The following ST3GAL1 variants were observed in gnomAD, a reference collection of about 807,000 sequenced individuals.
The protein encoded by ST3GAL1 is CMP-N-acetylneuraminate-beta-galactosamide-alpha-2,3-sialyltransferase 1.
In ST3GAL1, 16 loss-of-function variants were observed where a neutral mutation model predicts 34.1. The ratio of observed to expected loss-of-function variants is 0.47; its 90% CI spans 0.32 to 0.71. ST3GAL1 has a LOEUF of 0.71. ST3GAL1 is among the 30% of genes least tolerant of loss of function. ST3GAL1 has a pLI of 0.04. For synonymous variants in ST3GAL1, 191 were observed against 184.7 expected, an observed-to-expected ratio of 1.03 and a Z score of -0.28; for missense variants, 353 against 447.4, an observed-to-expected ratio of 0.79 and a Z score of 1.90.
intron 2 of ST3GAL1, among the ~76,000 whole-genome samples, chr8:133,538,871 C>T (rs1246738826): frequency 2.0e-5 from 3 of 152,178 alleles, no homozygotes; most frequent in South Asian, 2.1e-4. Context: ...GCTCTGGAGA[C>T]GCTGTAAGCC....
At chr8:133,524,369 C>G (rs1257333307) in intron 2 of ST3GAL1, among the ~76,000 whole-genome samples, 1 of 152,228 alleles carries the variant, frequency 6.6e-6, no homozygotes, top group Non-Finnish European at 1.5e-5. Context: ...AACAACCAGG[C>G]AACACTACAG....
chr8:133,496,578 C>A (rs1293481144), intron 3 of ST3GAL1, among the ~76,000 whole-genome samples: 3 of 152,178 alleles, frequency 2.0e-5, no homozygotes, highest in African/African-American at 7.2e-5. Flanking sequence ...TTTTCAGAGT[C>A]TCCAGGAGGG....
chr8:133,542,738 A>T (rs960141975), intron 2 of ST3GAL1, among the ~76,000 whole-genome samples: 3 of 144,856 alleles, frequency 2.1e-5, no homozygotes, highest in Admixed American at 1.5e-4. Flanking sequence ...TCAAGATTGC[A>T]CCACTGCATT....
rs1203160944 is a variant in ST3GAL1 at position 133,469,066 on chromosome 8, G to A, written c.307-2976C>T. Among the ~76,000 whole-genome samples the A allele has an allele frequency of 2.0e-5, 3 of 152,240 alleles. No homozygotes were observed. Among genetic ancestry groups the A allele is most frequent in the Non-Finnish European group, 4.4e-5 (3 of 68,044 alleles). On this transcript the variant is annotated intron_variant, in intron 5 of 9. Transcript: ENST00000522652. This position sits in a 1 kb window ranked among gnomAD's most constrained non-coding sequence, Gnocchi z 4.3. ...TACTGAGTGTCTACTGGGTGCCACA[G>A]AGGCCTGAGAAGCCAGGACTCAAGC...
intron 2 of ST3GAL1, chr8:133,515,795 TCA>T (rs1817628389): frequency 3.3e-5 from 5 of 152,332 alleles, no homozygotes; most frequent in Non-Finnish European, 7.3e-5. Flanking sequence ...TTGTGATAAA[TCA>T]TAATTACCAA....
chr8:133,547,709 T>C (rs1818709916), intron 1 of ST3GAL1, among the ~76,000 whole-genome samples: 1 of 152,172 alleles, frequency 6.6e-6, no homozygotes, highest in Non-Finnish European at 1.5e-5. Flanking sequence ...AAATGTCTGT[T>C]TGTAGGCACT....
At chr8:133,513,822 C>G (rs1817564605) in intron 2 of ST3GAL1, among the ~76,000 whole-genome samples, 1 of 151,960 alleles carries the variant, frequency 6.6e-6, no homozygotes, top group Non-Finnish European at 1.5e-5. Flanking sequence ...TTGCTTGAAC[C>G]CAGGAGGTGG....
rs796232681 is a variant in ST3GAL1, at chr8:133,464,686, G to A, written c.683+92C>T. ...GAGGCTGGGGGAGGGGAGGCACCCC[G>A]GTGGAGGCACAGCAGGACCACGGCA... is the stretch of plus-strand genomic sequence containing the variant. On this transcript the variant is annotated intron_variant, in intron 7 of 9. Coordinates refer to ENST00000522652, the MANE Select transcript of ST3GAL1 (RefSeq NM_173344.3). 1.1e-4 allele frequency: 162 copies of A among 1,432,710 alleles called. No individual in the cohort carries two copies. The Middle Eastern group carries it at 1.4e-3, about 12-fold the overall frequency. The allele number at this position is 1,432,710 out of a possible 1,614,324, so 88.7% of individuals were successfully genotyped here. A position where few individuals can be genotyped will look rare whatever the true frequency, so the allele number is the denominator to read the frequency against.
At chr8:133,519,942 T>C (rs1817753675) in intron 2 of ST3GAL1, among the ~76,000 whole-genome samples, 2 of 152,164 alleles carry the variant, frequency 1.3e-5, no homozygotes, top group Non-Finnish European at 1.5e-5. Context: ...AGAGTGAGAC[T>C]CTGTCTCAAA....
chr8:133,532,965 T>A (rs372858309), intron 2 of ST3GAL1, among the ~76,000 whole-genome samples: 6 of 152,194 alleles, frequency 3.9e-5, no homozygotes, highest in African/African-American at 1.4e-4. Context: ...TTGAAACCAC[T>A]AAGGTACTAA....
chr8:133,479,971 GAATGCCAGCCCTGGCTCCCGGA>G (rs1816321363), intron 3 of ST3GAL1, among the ~76,000 whole-genome samples: 2 of 152,210 alleles, frequency 1.3e-5, no homozygotes, highest in South Asian at 4.1e-4. Flanking sequence ...AGGCATGGGG[GAATGCCAGCCCTGGCTCCCGGA>G]AATGACATCT....
chr8:133,510,794 G>T (rs1175571436), intron 2 of ST3GAL1, among the ~76,000 whole-genome samples: 1 of 152,180 alleles, frequency 6.6e-6, no homozygotes, highest in Non-Finnish European at 1.5e-5. Context: ...GCGTCATGTT[G>T]CCTGGACCCA....
intron 3 of ST3GAL1, among the ~76,000 whole-genome samples, chr8:133,481,206 C>T (rs1816369741): frequency 6.6e-6 from 1 of 152,224 alleles, no homozygotes; most frequent in Non-Finnish European, 1.5e-5. Context: ...TGTCCTCCTT[C>T]AGAGAGGACC....
chr8:133,512,871 T>C (rs539499691), intron 2 of ST3GAL1, among the ~76,000 whole-genome samples: 4 of 152,274 alleles, frequency 2.6e-5, no homozygotes, highest in African/African-American at 9.6e-5. Flanking sequence ...TGAAACAACA[T>C]TAAAAGAAAA....
chr8:133,476,816 CAGA>C (rs1816200001), intron 3 of ST3GAL1, among the ~76,000 whole-genome samples: 1 of 152,236 alleles, frequency 6.6e-6, no homozygotes. Context: ...TTATGGGATG[CAGA>C]AGGTGTCCCC....
At chr8:133,540,776 G>GACATATATATATATAGACATATATATAT (rs1563733918) in intron 2 of ST3GAL1, among the ~76,000 whole-genome samples, 3 of 73,836 alleles carry the variant, frequency 4.1e-5, no homozygotes, top group African/African-American at 1.5e-4. Flanking sequence ...TATATATATA[G>GACATATATATATATAGACATATATATAT]AGACATATAT....
At chr8:133,479,614 G>A (rs907827277) in intron 3 of ST3GAL1, among the ~76,000 whole-genome samples, 3 of 152,126 alleles carry the variant, frequency 2.0e-5, no homozygotes, top group African/African-American at 7.2e-5. Context: ...CTGGATGAGA[G>A]GTCAGGTTTC....
chr8:133,540,782 T>TATATATATAGAC lies in ST3GAL1; in HGVS notation c.-429+4991_-429+4992insGTCTATATATAT, dbSNP rs1563733942. Among the ~76,000 whole-genome samples, 100 of 20,672 alleles carry TATATATATAGAC rather than the reference T, an allele frequency of 4.8e-3. 2 individuals carry two copies. Among genetic ancestry groups the TATATATATAGAC allele is most frequent in the South Asian group, 0.014 (6 of 418 alleles). The allele number at this position is 20,672 out of a possible 152,430, so 13.6% of individuals were successfully genotyped here. A position where few individuals can be genotyped will look rare whatever the true frequency, so the allele number is the denominator to read the frequency against. ...ATATAGACATATATATATAGAGACA[T>TATATATATAGAC]ATATATATATAGACATATATATAGA... On this transcript the variant is annotated intron_variant, in intron 2 of 9. Coordinates refer to ENST00000522652, the MANE Select transcript of ST3GAL1 (RefSeq NM_173344.3).
intron 1 of ST3GAL1, among the ~76,000 whole-genome samples, chr8:133,563,303 G>A (rs1320693603): frequency 6.6e-6 from 1 of 152,020 alleles, no homozygotes; most frequent in Non-Finnish European, 1.5e-5. Context: ...TGGAGCTAAT[G>A]TTCTTTTCTT....
Sources: allele counts gnomAD v4.1 joint callset (sites outside exome capture counted in the v4.1 genomes callset), GRCh38; gene constraint gnomAD v4.1.1; non-coding constraint Gnocchi (gnomAD v3.1); transcripts MANE v1.5; gene names NCBI Gene and HGNC (gene_info 2026-07-23, HGNC 2026-07-21).